The following PAFAH1B1 variants were observed in gnomAD, a reference collection of about 807,000 sequenced individuals.
The protein encoded by PAFAH1B1 is platelet-activating factor acetylhydrolase IB subunit beta.
PAFAH1B1 carries 2 observed loss-of-function variants against 57.5 expected under a neutral mutation model. That is an observed-to-expected ratio of 0.03 (90% CI 0.01 to 0.11). PAFAH1B1 has a LOEUF of 0.11. Among genes scored for constraint, PAFAH1B1 ranks in the 10% least tolerant of loss-of-function variants. The pLI is 1.00. For missense variants in PAFAH1B1, 257 were observed against 512.0 expected (o/e 0.50, Z 4.81); for synonymous variants, 152 against 169.6 (o/e 0.90, Z 0.81).
At chr17:2,643,707 G>T (rs1341931486) in intron 2 of PAFAH1B1, among the ~76,000 whole-genome samples, 1 of 151,788 alleles carries the variant, frequency 6.6e-6, no homozygotes, top group Non-Finnish European at 1.5e-5. Flanking sequence ...TTACAGGCAG[G>T]CACCACCACA....
At chr17:2,618,487 G>A (rs533985114) in intron 1 of PAFAH1B1, among the ~76,000 whole-genome samples, 1 of 152,012 alleles carries the variant, frequency 6.6e-6, no homozygotes, top group Non-Finnish European at 1.5e-5. Flanking sequence ...CTCTTACGGA[G>A]TATTTTGTCC....
chr17:2,654,222 T>C (rs1214948897), intron 2 of PAFAH1B1, among the ~76,000 whole-genome samples: 3 of 149,502 alleles, frequency 2.0e-5, no homozygotes, highest in Non-Finnish European at 4.4e-5. Context: ...ACAGTTTTGC[T>C]CTTATCGCCT....
At chr17:2,636,727 A>G (rs1445650261) in intron 1 of PAFAH1B1, among the ~76,000 whole-genome samples, 2 of 152,026 alleles carry the variant, frequency 1.3e-5, no homozygotes, top group African/African-American at 4.8e-5. Context: ...ACCCGAAGGT[A>G]TGCATTTTTT....
At chr17:2,644,436 G>A (rs755513226) in intron 2 of PAFAH1B1, among the ~76,000 whole-genome samples, 1 of 152,096 alleles carries the variant, frequency 6.6e-6, no homozygotes, top group Non-Finnish European at 1.5e-5. Context: ...TCAGCTACTC[G>A]GGAGGCTGAG....
intron 2 of PAFAH1B1, among the ~76,000 whole-genome samples, chr17:2,654,173 C>A (rs1313579171): frequency 6.9e-6 from 1 of 144,668 alleles, no homozygotes; most frequent in Non-Finnish European, 1.5e-5. Flanking sequence ...TGTTGAGGTC[C>A]CTGTTGTCTT....
rs189806965 is a variant in PAFAH1B1, at chr17:2,597,815, C to T, written c.-191+3809C>T. On this transcript the variant is annotated intron_variant, in intron 1 of 10. Transcript: ENST00000397195. ...GTGTGTGTGTCTGTCTGTCTGTCTG[C>T]GTATATGAGACTTTATGGCTTATAT... 7.3e-5 allele frequency among the ~76,000 whole-genome samples: 11 copies of T among 151,672 alleles called. No homozygotes were observed. In the East Asian group the frequency reaches 7.7e-4, roughly 11 times the overall value.
In PAFAH1B1 at chr17:2,667,090, T is replaced by C; in HGVS notation, c.291T>C (p.Arg97=). The change falls in exon 5 of 11, where the codon CGT becomes CGC. Residue 97 remains arginine (R), a synonymous_variant. Transcript: ENST00000397195. ...GAGACCCAAAAGAATGGATTCCCCG[T>C]CCGCCAGAAAAATATGCATTGAGTG... is the stretch of plus-strand genomic sequence containing the variant. The part of the protein sequence containing the change: ...QKRDPKEWIP[R]PPEKYALSGH... 4 of 1,613,900 alleles carry C rather than the reference T, an allele frequency of 2.5e-6. No homozygotes were observed. Among genetic ancestry groups the C allele is most frequent in the Non-Finnish European group, 3.4e-6 (4 of 1,179,818 alleles).
At chr17:2,623,320 A>G (rs1328665390) in intron 1 of PAFAH1B1, among the ~76,000 whole-genome samples, 8 of 118,674 alleles carry the variant, frequency 6.7e-5, no homozygotes, top group Admixed American at 3.7e-4. Flanking sequence ...CCCGGGCTGG[A>G]GTGCAGTGGC....
At chr17:2,644,678 T>C (rs1418937496) in intron 2 of PAFAH1B1, among the ~76,000 whole-genome samples, 1 of 152,232 alleles carries the variant, frequency 6.6e-6, no homozygotes, top group Non-Finnish European at 1.5e-5. Flanking sequence ...CAAATAATAC[T>C]GTAATACATA....
chr17:2,632,325 T>A (rs912395451), intron 1 of PAFAH1B1, among the ~76,000 whole-genome samples: 1 of 152,244 alleles, frequency 6.6e-6, no homozygotes, highest in Non-Finnish European at 1.5e-5. Flanking sequence ...GTCCAGCCAG[T>A]GTTCAAATTT....
intron 1 of PAFAH1B1, among the ~76,000 whole-genome samples, chr17:2,604,790 C>T (rs1028996929): frequency 3.3e-5 from 5 of 151,760 alleles, no homozygotes; most frequent in African/African-American, 4.8e-5. Context: ...GACTGCTGAG[C>T]GACAGCAAGA....
chr17:2,622,242 G>T (rs2068434096), intron 1 of PAFAH1B1, among the ~76,000 whole-genome samples: 1 of 152,084 alleles, frequency 6.6e-6, no homozygotes, highest in African/African-American at 2.4e-5. Context: ...CAGCAGTCCT[G>T]CAAAGTCTTA....
intron 1 of PAFAH1B1, among the ~76,000 whole-genome samples, chr17:2,619,792 C>A (rs914444018): frequency 2.5e-4 from 38 of 152,180 alleles, no homozygotes; most frequent in Non-Finnish European, 1.8e-4. Context: ...TCAAACTTTT[C>A]TTTTAATGGC....
Position 2,636,189 on chromosome 17 carries a change from T to A in PAFAH1B1, c.-190-1910T>A, listed in dbSNP as rs74463307. 6.0e-4 allele frequency among the ~76,000 whole-genome samples: 91 copies of A among 152,292 alleles called. 2 individuals are homozygous for A. Among genetic ancestry groups the A allele is most frequent in the African/African-American group, 2.0e-3 (85 of 41,568 alleles). ...ACCAAAGAAGTATGGTTTACTGGCT[T>A]GTCTGTTGTGTTTGGTTCCAGTTCC... On this transcript the variant is annotated intron_variant, in intron 1 of 10. Coordinates refer to ENST00000397195, the MANE Select transcript of PAFAH1B1 (RefSeq NM_000430.4).
intron 1 of PAFAH1B1, among the ~76,000 whole-genome samples, chr17:2,617,922 C>T (rs2068368348): frequency 6.8e-6 from 1 of 147,082 alleles, no homozygotes; most frequent in South Asian, 2.2e-4. Context: ...AGACTCAGTC[C>T]CGCATCAAAA....
At chr17:2,646,146 TAATA>T (rs1289130559) in intron 2 of PAFAH1B1, among the ~76,000 whole-genome samples, 11 of 152,022 alleles carry the variant, frequency 7.2e-5, no homozygotes, top group African/African-American at 1.2e-4. Context: ...GAAGAATTAA[TAATA>T]AATAAAAGCA....
At chr17:2,659,513 GCCT>G (rs1186285410) in intron 2 of PAFAH1B1, 1 of 124,274 alleles carries the variant, frequency 8.0e-6, no homozygotes, top group Non-Finnish European at 1.6e-5. Flanking sequence ...GAGTGAGACT[GCCT>G]CGCCAAAAAA....
At chr17:2,625,020 T>C (rs1283618339) in intron 1 of PAFAH1B1, among the ~76,000 whole-genome samples, 6 of 147,192 alleles carry the variant, frequency 4.1e-5, no homozygotes, top group South Asian at 2.3e-4. Context: ...ATTTATACTT[T>C]CTATTTTTTT....
intron 2 of PAFAH1B1, among the ~76,000 whole-genome samples, chr17:2,664,694 T>TTCTCTC (rs2069079462): frequency 8.7e-6 from 1 of 114,462 alleles, no homozygotes; most frequent in Admixed American, 8.8e-5. Context: ...CTCTCTCTCT[T>TTCTCTC]TCTCTCTCCA....
Sources: gnomAD v4.1 joint callset for allele counts (sites outside exome capture counted in the v4.1 genomes callset) on GRCh38, gnomAD v4.1.1 for gene constraint, MANE v1.5 for transcripts, NCBI Gene and HGNC (gene_info 2026-07-23, HGNC 2026-07-21) for gene names.